REL: variants seen among roughly 807,000 people sequenced by gnomAD.
REL encodes REL proto-oncogene, NF-kB subunit, also known as proto-oncogene c-Rel.
REL carries 15 observed loss-of-function variants against 45.9 expected under a neutral mutation model. The ratio of observed to expected loss-of-function variants is 0.33; its 90% CI spans 0.22 to 0.50. REL has a LOEUF of 0.50. Among genes scored for constraint, REL ranks in the 20% least tolerant of loss-of-function variants. The probability of loss-of-function intolerance (pLI) is 0.98; values close to 1 mark genes in which losing one functional copy is unlikely to be tolerated. For synonymous variants in REL, 239 were observed against 242.1 expected, an observed-to-expected ratio of 0.99 and a Z score of 0.12; for missense variants, 601 against 715.2, an observed-to-expected ratio of 0.84 and a Z score of 1.82.
rs563488429 is a variant in REL at position 60,906,775 on chromosome 2, C to T, written c.394+5692C>T. On this transcript the variant is annotated intron_variant, in intron 4 of 9. Transcript: ENST00000394479. ...CACCCTCCAAGTTTAAGGATCACATCGTCTTTAAAGCCTTCCCTGACCTTC... is the reference window on the plus strand; with the variant it reads ...CACCCTCCAAGTTTAAGGATCACATTGTCTTTAAAGCCTTCCCTGACCTTC... Among the ~76,000 whole-genome samples, 7 of 151,634 alleles carry T rather than the reference C, an allele frequency of 4.6e-5. No homozygotes were observed. In the East Asian group the frequency reaches 7.7e-4, roughly 17 times the overall value.
chr2:60,916,643 G>C (rs996675662), intron 4 of REL, among the ~76,000 whole-genome samples: 3 of 152,120 alleles, frequency 2.0e-5, no homozygotes, highest in African/African-American at 7.2e-5. Flanking sequence ...TAAATCCCAG[G>C]TGAGGGGATA....
rs1315704196 is a variant in REL, at chr2:60,927,710, C to A, written c.*5175C>A. The A allele has an allele frequency of 4.4e-6, 1 of 229,126 alleles. No homozygotes were observed. The highest frequency in any genetic ancestry group is 2.2e-5 in the African/African-American group (1 of 45,082). The allele number at this position is 229,126 out of a possible 1,614,324, so 14.2% of individuals were successfully genotyped here. On this transcript the variant is annotated 3_prime_UTR_variant, in exon 10 of 10. Coordinates refer to ENST00000394479, the MANE Select transcript of REL (RefSeq NM_001291746.2). Reference sequence around the variant, plus strand: ...AACTCTTGCTCTCAAAGATGTCAGTCTTTTTCTTTGCAAGGATAACACATG... The same window carrying A: ...AACTCTTGCTCTCAAAGATGTCAGTATTTTTCTTTGCAAGGATAACACATG...
chr2:60,884,735 C>T (rs1186953124), intron 1 of REL, among the ~76,000 whole-genome samples: 1 of 152,082 alleles, frequency 6.6e-6, no homozygotes, highest in Admixed American at 6.5e-5. Flanking sequence ...TTTTTCTTCA[C>T]ATTTTTCTTA....
intron 4 of REL, among the ~76,000 whole-genome samples, chr2:60,911,866 C>A (rs1673824432): frequency 6.6e-6 from 1 of 151,470 alleles, no homozygotes; most frequent in Non-Finnish European, 1.5e-5. Context: ...GGCGTGGTGG[C>A]ACAGGCCTGT....
In REL at chr2:60,881,801, C is replaced by A. The variant is rs1329753745; in HGVS notation, c.-40C>A. 2 of 1,527,254 alleles carry A rather than the reference C, an allele frequency of 1.3e-6. No homozygotes were observed. Among genetic ancestry groups the A allele is most frequent in the Non-Finnish European group, 8.8e-7 (1 of 1,138,524 alleles). The allele number at this position is 1,527,254 out of a possible 1,614,324, so 94.6% of individuals were successfully genotyped here. A position where few individuals can be genotyped will look rare whatever the true frequency, so the allele number is the denominator to read the frequency against. Reference sequence around the variant, plus strand: ...TGACTGCGGCCGCCTCCGGCCAGGACGCTGGGAGCTGCCTGCGGGAAGGTG... The same window carrying A: ...TGACTGCGGCCGCCTCCGGCCAGGAAGCTGGGAGCTGCCTGCGGGAAGGTG... On this transcript the variant is annotated 5_prime_UTR_variant, in exon 1 of 10. Transcript: ENST00000394479.
intron 1 of REL, among the ~76,000 whole-genome samples, chr2:60,889,383 G>T (rs1673149603): frequency 6.6e-6 from 1 of 152,160 alleles, no homozygotes; most frequent in South Asian, 2.1e-4. Context: ...GTCCTTTAGA[G>T]TGACAGTTGG....
rs71402308 is a variant in REL, at chr2:60,883,959, TA to T, written c.10+2122del. Among the ~76,000 whole-genome samples the T allele has an allele frequency of 5.0e-3, 702 of 141,016 alleles. 7 individuals are homozygous for T. The highest frequency in any genetic ancestry group is 0.014 in the African/African-American group (534 of 38,180). The allele number at this position is 141,016 out of a possible 152,430, so 92.5% of individuals were successfully genotyped here. On this transcript the variant is annotated intron_variant, in intron 1 of 9. Transcript: ENST00000394479. ...TGTTAGAAAACTGCCAGGCCTGGAA[TA>T]AAAAAAAAAAAATGTTTACAGGAAT...
In REL at chr2:60,922,453, A is replaced by G. The variant is rs1453526844; in HGVS notation, c.1682A>G (p.Gln561Arg). ...STNPNSHGFV[Q>R]DSQYSGIGSM... ...AATCCAAACAGTCATGGTTTTGTTC[A>G]AGATAGTCAGTATTCAGGTATTGGC... The change falls in exon 10 of 10, where the codon CAA becomes CGA. Residue 561 changes from glutamine (Q) to arginine (R), a missense_variant. Gln to Arg is a conservative substitution (Grantham distance 43). Coordinates refer to ENST00000394479, the MANE Select transcript of REL (RefSeq NM_001291746.2). 2.5e-6 allele frequency: 4 copies of G among 1,614,046 alleles called. No homozygotes were observed. Among genetic ancestry groups the G allele is most frequent in the Middle Eastern group, 1.7e-4 (1 of 6,060 alleles).
intron 4 of REL, among the ~76,000 whole-genome samples, chr2:60,912,174 A>T (rs1385231046): frequency 1.3e-5 from 2 of 152,266 alleles, no homozygotes; most frequent in Non-Finnish European, 2.9e-5. Context: ...TCATATTGGG[A>T]TAAGAATAGA....
intron 2 of REL, among the ~76,000 whole-genome samples, chr2:60,893,855 A>G (rs959389697): frequency 1.3e-5 from 2 of 152,132 alleles, no homozygotes; most frequent in African/African-American, 2.4e-5. Flanking sequence ...TGTTCTAGCT[A>G]TACTTTCTAT....
At chr2:60,905,860 A>G (rs1673632433) in intron 4 of REL, among the ~76,000 whole-genome samples, 1 of 152,218 alleles carries the variant, frequency 6.6e-6, no homozygotes, top group African/African-American at 2.4e-5. Context: ...ACAGTAAGAA[A>G]TAGATTTTGT....
rs189410627 is a variant in REL at position 60,891,412 on chromosome 2, C to T, written c.11-271C>T. ...TGGTTATCTCAGAACTTCATATTGA[C>T]GTTAGCTATAGATATTAAGCTATAA... On this transcript the variant is annotated intron_variant, in intron 1 of 9. Transcript: ENST00000394479. Among the ~76,000 whole-genome samples, 15 of 152,134 alleles carry T rather than the reference C, an allele frequency of 9.9e-5. No individual in the cohort carries two copies. In the East Asian group the frequency reaches 2.3e-3, roughly 23 times the overall value.
chr2:60,906,518 T>TA (rs962882912), intron 4 of REL, among the ~76,000 whole-genome samples: 1 of 152,204 alleles, frequency 6.6e-6, no homozygotes, highest in African/African-American at 2.4e-5. Context: ...ATATGGCCTT[T>TA]AAAGCCCTTC....
chr2:60,919,496 G>A (rs1410399784), intron 7 of REL, among the ~76,000 whole-genome samples: 1 of 152,084 alleles, frequency 6.6e-6, no homozygotes, highest in Non-Finnish European at 1.5e-5. Context: ...CGCAATCCTG[G>A]CTCACTGCAG....
rs1244225468 is a variant in REL, at chr2:60,924,143, T to A, written c.*1608T>A. 5 of 231,190 alleles carry A rather than the reference T, an allele frequency of 2.2e-5. No homozygotes were observed. Among genetic ancestry groups the A allele is most frequent in the Admixed American group, 1.1e-4 (2 of 17,728 alleles). The allele number at this position is 231,190 out of a possible 1,614,324, so 14.3% of individuals were successfully genotyped here. ...CACTCTTACATCCTTCAGGTGTCACTCCACTGTTACCTGAGCAGGTCGTCC... is the reference window on the plus strand; with the variant it reads ...CACTCTTACATCCTTCAGGTGTCACACCACTGTTACCTGAGCAGGTCGTCC... On this transcript the variant is annotated 3_prime_UTR_variant, in exon 10 of 10. Transcript: ENST00000394479.
intron 4 of REL, among the ~76,000 whole-genome samples, chr2:60,905,935 G>A (rs932848690): frequency 5.3e-5 from 8 of 152,110 alleles, no homozygotes; most frequent in African/African-American, 1.4e-4. Context: ...GTATTAGTCC[G>A]TTTTCACTCT....
chr2:60,901,237 C>A (rs898621979), intron 4 of REL, among the ~76,000 whole-genome samples, 154 bp downstream of exon 4: 3 of 148,718 alleles, frequency 2.0e-5, no homozygotes, highest in Non-Finnish European at 3.0e-5. Context: ...CTCACTGCAA[C>A]CTCCGCCTCC....
chr2:60,884,918 G>A (rs930656470), intron 1 of REL, among the ~76,000 whole-genome samples: 1 of 152,158 alleles, frequency 6.6e-6, no homozygotes, highest in Non-Finnish European at 1.5e-5. Flanking sequence ...TAATAACAGA[G>A]CTGGAAGTTA....
At chr2:60,888,387 T>A (rs892830777) in intron 1 of REL, among the ~76,000 whole-genome samples, 1 of 152,156 alleles carries the variant, frequency 6.6e-6, no homozygotes, top group African/African-American at 2.4e-5. Flanking sequence ...TGGCCTTTAC[T>A]TCAGCCACAT....
Sources: allele counts gnomAD v4.1 joint callset (sites outside exome capture counted in the v4.1 genomes callset), GRCh38; gene constraint gnomAD v4.1.1; transcripts MANE v1.5; gene names NCBI Gene and HGNC (gene_info 2026-07-23, HGNC 2026-07-21).